Variants in FAM120C observed in about 807,000 individuals in gnomAD.
FAM120C encodes the protein family with sequence similarity 120 member C.
Under a neutral mutation model 71.2 loss-of-function variants are expected in FAM120C, and 14 were observed. The ratio of observed to expected loss-of-function variants is 0.20; its 90% confidence interval spans 0.13 to 0.31. The LOEUF is 0.31. FAM120C is among the 10% of genes least tolerant of loss of function. The pLI is 1.00. For missense variants in FAM120C, 500 were observed against 879.0 expected (o/e 0.57, Z 5.45); for synonymous variants, 354 against 353.2 (o/e 1.00, Z -0.03).
intron 15 of FAM120C, among the ~76,000 whole-genome samples, chrX:54,076,331 A>T (rs1261451288): frequency 3.2e-4 from 34 of 106,883 alleles, no homozygotes; most frequent in African/African-American, 1.1e-3. Flanking sequence ...TGTTTTTTTA[A>T]AAAAAAAAAA....
intron 1 of FAM120C, among the ~76,000 whole-genome samples, chrX:54,180,875 A>G (rs2067345222): frequency 9.0e-6 from 1 of 111,521 alleles, no homozygotes. Flanking sequence ...CAATGTGGTC[A>G]CTATTGCCAG....
chrX:54,160,281 C>CT (rs200245186), intron 1 of FAM120C, among the ~76,000 whole-genome samples: 2,543 of 111,219 alleles, frequency 0.023, 25 homozygotes, highest in Non-Finnish European at 0.034. Context: ...AAAGTCTTTG[C>CT]TTTTTTTCTT....
At chrX:54,135,174 C>T in intron 6 of FAM120C, 63 bp from the exon 7 acceptor site, 1 of 1,079,291 alleles carries the variant, frequency 9.3e-7, no homozygotes, top group South Asian at 2.3e-5. Context: ...GTGGCTCCCT[C>T]AGAAGTTGTG....
intron 10 of FAM120C, among the ~76,000 whole-genome samples, chrX:54,099,206 G>A (rs1235629103): frequency 7.3e-5 from 8 of 109,133 alleles, no homozygotes; most frequent in African/African-American, 2.7e-4. Flanking sequence ...TGTAGAGGTG[G>A]GGTCTTGCTA....
intron 13 of FAM120C, 134 bp downstream of exon 13, chrX:54,085,581 C>T (rs1164237222): frequency 1.2e-3 from 731 of 595,439 alleles, no homozygotes; most frequent in Middle Eastern, 2.2e-3. Flanking sequence ...GAGTGAAACT[C>T]CGTCTAAAAA....
At chrX:54,104,786 C>G (rs1464328250) in intron 10 of FAM120C, among the ~76,000 whole-genome samples, 1 of 106,985 alleles carries the variant, frequency 9.3e-6, no homozygotes, top group Non-Finnish European at 1.9e-5. Flanking sequence ...TCAGCCTGGG[C>G]AACCGAGCGA....
intron 1 of FAM120C, among the ~76,000 whole-genome samples, chrX:54,172,643 T>C (rs1274830152): frequency 1.8e-5 from 2 of 112,128 alleles, no homozygotes; most frequent in African/African-American, 6.5e-5. Flanking sequence ...CATCAAATTC[T>C]TAACACATAA....
intron 10 of FAM120C, among the ~76,000 whole-genome samples, chrX:54,095,355 C>CTTTTTTTTTTTTT (rs10710810): frequency 2.4e-5 from 1 of 41,187 alleles, no homozygotes; most frequent in Non-Finnish European, 4.5e-5. Flanking sequence ...TACTCCACAT[C>CTTTTTTTTTTTTT]TTTTTTTTTT....
At position 54,081,363 on chromosome X, in the gene FAM120C, G is replaced by T. The variant is rs1557121267; in HGVS notation, c.2937C>A (p.Ser979=). ...AGSRSSRGRG[S]FGMQVVSVGG... ...CGACAGAAACCACTTGCATGCCGAAGGATCCTCGGCCCCTGGAGGATCTGC... is the reference window on the plus strand; with the variant it reads ...CGACAGAAACCACTTGCATGCCGAATGATCCTCGGCCCCTGGAGGATCTGC... The change falls in exon 14 of 16, where the codon TCC becomes TCA. Residue 979 remains serine (S), a synonymous_variant. Transcript: ENST00000375180. The T allele has an allele frequency of 1.7e-6, 2 of 1,209,038 alleles. No homozygotes were observed. The highest frequency in any genetic ancestry group is 2.2e-6 in the Non-Finnish European group (2 of 894,630).
At chrX:54,179,718 C>A (rs1378670805) in intron 1 of FAM120C, among the ~76,000 whole-genome samples, 6 of 111,595 alleles carry the variant, frequency 5.4e-5, no homozygotes, top group African/African-American at 1.3e-4. Flanking sequence ...TTCTACAATC[C>A]ATTCTCTTAG....
At chrX:54,101,959 C>T (rs1382706602) in intron 10 of FAM120C, among the ~76,000 whole-genome samples, 3 of 111,502 alleles carry the variant, frequency 2.7e-5, no homozygotes, top group Admixed American at 1.9e-4. Context: ...GCTTATTACC[C>T]AGTTCCAAAG....
In FAM120C at chrX:54,091,348, G is replaced by A. The variant is rs1557122603; in HGVS notation, c.2391C>T (p.Thr797=). The change falls in exon 11 of 16, where the codon ACC becomes ACT. Residue 797 remains threonine (T), a synonymous_variant. Transcript: ENST00000375180. ...LDTFLAQAVS[T]QLYEPDRLQE... is the part of the protein sequence containing the mutation. ...GGAGTCGATCTGGTTCATAAAGCTG[G>A]GTAGACACTGCCTGTGCAAGGAAGG... is the stretch of plus-strand genomic sequence containing the variant. 1 of 1,209,881 alleles carries A rather than the reference G, an allele frequency of 8.3e-7. No homozygotes were observed. Among genetic ancestry groups the A allele is most frequent in the Non-Finnish European group, 1.1e-6 (1 of 893,950 alleles).
rs782657557 is a variant in FAM120C at position 54,076,857 on chromosome X, C to T, written c.3036+3375G>A. Among the ~76,000 whole-genome samples the T allele has an allele frequency of 3.6e-5, 4 of 111,394 alleles. No homozygotes were observed. In the East Asian group the frequency reaches 1.1e-3, roughly 32 times the overall value. The stretch of plus-strand genomic sequence containing the variant: ...CTGTAATCCCAGCACTTTGGGAGGC[C>T]GAGGCAGGCGGATCACCCGAGCTCA... On this transcript the variant is annotated intron_variant, in intron 15 of 15. Coordinates refer to ENST00000375180, the MANE Select transcript of FAM120C (RefSeq NM_017848.6).
At chrX:54,110,531 T>G (rs1771858286) in intron 10 of FAM120C, among the ~76,000 whole-genome samples, 1 of 111,092 alleles carries the variant, frequency 9.0e-6, no homozygotes, top group South Asian at 3.8e-4. Context: ...ATATTAATTA[T>G]AGAATCTAGG....
At chrX:54,103,630 G>A (rs944821839) in intron 10 of FAM120C, among the ~76,000 whole-genome samples, 2 of 111,229 alleles carry the variant, frequency 1.8e-5, no homozygotes, top group Non-Finnish European at 3.8e-5. Context: ...AAGTTCTAAC[G>A]TGTCAAGGAT....
intron 1 of FAM120C, among the ~76,000 whole-genome samples, chrX:54,166,098 A>C (rs373068433): frequency 1.9e-3 from 207 of 111,837 alleles, no homozygotes; most frequent in African/African-American, 6.3e-3. Context: ...AAAAAACCTA[A>C]CAATGTAAGA....
At chrX:54,112,224 C>G (rs2066940829) in intron 10 of FAM120C, among the ~76,000 whole-genome samples, 1 of 109,522 alleles carries the variant, frequency 9.1e-6, no homozygotes, top group African/African-American at 3.3e-5. Flanking sequence ...CGAGACTGGC[C>G]TGGCCAACAC....
At chrX:54,075,212 C>T (rs1024704468) in intron 15 of FAM120C, among the ~76,000 whole-genome samples, 2 of 111,804 alleles carry the variant, frequency 1.8e-5, no homozygotes, top group Non-Finnish European at 3.8e-5. Flanking sequence ...TATTAGTCCT[C>T]ATGTAACAAC....
At chrX:54,129,264 CG>C (rs1557128749) in intron 9 of FAM120C, among the ~76,000 whole-genome samples, 2 of 105,697 alleles carry the variant, frequency 1.9e-5, no homozygotes, top group Non-Finnish European at 3.9e-5. Flanking sequence ...ACTTCTCAGA[CG>C]GGGCGGCTGC....
Sources: gnomAD v4.1 joint callset for allele counts (sites outside exome capture counted in the v4.1 genomes callset) on GRCh38, gnomAD v4.1.1 for gene constraint, MANE v1.5 for transcripts, NCBI Gene and HGNC (gene_info 2026-07-23, HGNC 2026-07-21) for gene names.